The following PGM2 variants were observed in gnomAD, a reference collection of about 807,000 sequenced individuals.
PGM2 encodes phosphoglucomutase 2.
Under a neutral mutation model 74.6 loss-of-function variants are expected in PGM2, and 57 were observed. The ratio of observed to expected loss-of-function variants is 0.76; its 90% CI spans 0.62 to 0.95. The LOEUF is 0.95. Ranked by LOEUF, PGM2 falls within the 40% of genes least tolerant of loss-of-function variation. The pLI, the probability that PGM2 is intolerant of heterozygous loss-of-function variation, is 0.00. For missense variants in PGM2, 706 were observed against 741.9 expected, an observed-to-expected ratio of 0.95 and a Z score of 0.56; for synonymous variants, 273 against 260.7, an observed-to-expected ratio of 1.05 and a Z score of -0.46.
In PGM2 at chr4:37,844,398, C is replaced by T; in HGVS notation, c.754C>T (p.His252Tyr). The T allele has an allele frequency of 1.9e-6, 3 of 1,612,038 alleles. No homozygotes were observed. Among genetic ancestry groups the T allele is most frequent in the Non-Finnish European group, 2.5e-6 (3 of 1,178,996 alleles). The stretch of plus-strand genomic sequence containing the variant: ...CAGGGAGACAAAGGTGAAGTTTGTG[C>T]ACACCTCTGTCCATGGGGTGGGTCA... ...VNRETKVKFVHTSVHGVGHSF... is the reference protein window; with the variant it reads ...VNRETKVKFVYTSVHGVGHSF... The change falls in exon 7 of 14, where the codon CAC (histidine) becomes TAC (tyrosine). Residue 252 changes from histidine (H) to tyrosine (Y), a missense_variant. Around this residue, in one of 3 missense-constraint regions of PGM2, gnomAD observed 332 missense variants for 334.9 expected, o/e 0.99. Coordinates refer to ENST00000381967, the MANE Select transcript of PGM2 (RefSeq NM_018290.4).
chr4:37,854,976 A>G (rs372316797), intron 12 of PGM2, among the ~76,000 whole-genome samples: 4 of 152,268 alleles, frequency 2.6e-5, no homozygotes, highest in African/African-American at 9.6e-5. Flanking sequence ...ATACATTGTG[A>G]TAGCTAAAAT....
At chr4:37,837,873 G>A (rs1208428998) in intron 4 of PGM2, among the ~76,000 whole-genome samples, 1 of 139,926 alleles carries the variant, frequency 7.1e-6, no homozygotes, top group Non-Finnish European at 1.5e-5. Context: ...AAGGGTATTC[G>A]AGAGAGTCAG....
chr4:37,844,289 C>A, intron 6 of PGM2, 75 bp from the exon 7 acceptor site: 1 of 866,112 alleles, frequency 1.2e-6, no homozygotes. Context: ...TTGTCTTGTG[C>A]ATTCTTGCAA....
At chr4:37,851,952 CTTTTG>C in intron 12 of PGM2, among the ~76,000 whole-genome samples, 1 of 97,450 alleles carries the variant, frequency 1.0e-5, no homozygotes, top group South Asian at 3.1e-4. Context: ...TTTCCTGTAC[CTTTTG>C]TTTGTTTGTT....
intron 6 of PGM2, among the ~76,000 whole-genome samples, chr4:37,841,071 C>CATATATATATAT (rs1725702950): frequency 3.9e-5 from 1 of 25,430 alleles, no homozygotes; most frequent in African/African-American, 1.4e-4. Flanking sequence ...CATATGCAAG[C>CATATATATATAT]GTATATATAT....
intron 7 of PGM2, among the ~76,000 whole-genome samples, chr4:37,845,402 C>G (rs1356125862): frequency 6.6e-6 from 1 of 152,176 alleles, no homozygotes; most frequent in Non-Finnish European, 1.5e-5. Context: ...GGTCACACAC[C>G]GATGCTCCCA....
chr4:37,858,511 G>A (rs991658990), intron 13 of PGM2, among the ~76,000 whole-genome samples: 3 of 119,930 alleles, frequency 2.5e-5, no homozygotes, highest in South Asian at 5.1e-4. Flanking sequence ...TAATTTTTTG[G>A]TGTTTTTTTT....
At position 37,840,202 on chromosome 4, in the gene PGM2, C is replaced by T. The variant is rs770172003; in HGVS notation, c.662C>T (p.Pro221Leu). The change falls in exon 6 of 14, where the codon CCG (proline) becomes CTG (leucine). Residue 221 changes from proline (P) to leucine (L), a missense_variant. By Grantham distance (98) the Pro-to-Leu change is moderately conservative. Around this residue, in one of 3 missense-constraint regions of PGM2, gnomAD observed 332 missense variants for 334.9 expected, o/e 0.99. Transcript: ENST00000381967. ...GATAGCAGTCCACTTCTCCACAATC[C>T]GAGTGCTTCCATCAATAATGACTAC... ...LIDSSPLLHNPSASINNDYFE... is the reference protein window; with the variant it reads ...LIDSSPLLHNLSASINNDYFE... The T allele has an allele frequency of 9.3e-6, 15 of 1,612,592 alleles. No individual in the cohort carries two copies. Among genetic ancestry groups the T allele is most frequent in the Middle Eastern group, 1.6e-4 (1 of 6,084 alleles).
chr4:37,853,359 C>CTTTT (rs11358189), intron 12 of PGM2, among the ~76,000 whole-genome samples: 5 of 125,140 alleles, frequency 4.0e-5, no homozygotes, highest in African/African-American at 6.5e-5. Context: ...GGTGATATTC[C>CTTTT]TTTTTTTTTT....
At position 37,844,563 on chromosome 4, in the gene PGM2, T is replaced by C; in HGVS notation, c.909+10T>C. On this transcript the variant is annotated intron_variant, in intron 7 of 13. Transcript: ENST00000381967. ...GGGGAAAGGTGTCTTGGTAACCTAA[T>C]TTTTTTTTAAATTATGAAATCTGCT... 1 of 1,458,606 alleles carries C rather than the reference T, an allele frequency of 6.9e-7. No homozygotes were observed. The highest frequency in any genetic ancestry group is 1.2e-5 in the South Asian group (1 of 81,658). The allele number at this position is 1,458,606 out of a possible 1,614,324, so 90.4% of individuals were successfully genotyped here. A position where few individuals can be genotyped will look rare whatever the true frequency, so the allele number is the denominator to read the frequency against.
intron 13 of PGM2, among the ~76,000 whole-genome samples, chr4:37,856,246 G>A (rs1055184020): frequency 3.8e-4 from 58 of 152,082 alleles, no homozygotes; most frequent in African/African-American, 1.2e-3. Context: ...TTAGCCGGGC[G>A]TGGTGGCGGG....
intron 13 of PGM2, among the ~76,000 whole-genome samples, chr4:37,856,095 T>G (rs1314974890): frequency 6.6e-6 from 1 of 152,110 alleles, no homozygotes; most frequent in African/African-American, 2.4e-5. Flanking sequence ...TAAAATAAAT[T>G]ATAATCCGGG....
At chr4:37,836,603 C>T (rs190716565) in intron 3 of PGM2, among the ~76,000 whole-genome samples, 66 of 152,176 alleles carry the variant, frequency 4.3e-4, no homozygotes, top group Non-Finnish European at 7.6e-4. Flanking sequence ...ATAGTGTCGG[C>T]GAAGCTAGTG....
At position 37,826,716 on chromosome 4, in the gene PGM2, G is replaced by A. The variant is rs777467258; in HGVS notation, c.-17G>A. On this transcript the variant is annotated 5_prime_UTR_variant, in exon 1 of 14. Coordinates refer to ENST00000381967, the MANE Select transcript of PGM2 (RefSeq NM_018290.4). ...TCACCGCCTGCTTCCCTCTGCAGCG[G>A]TAGCACAAGCTCAGCGATGGCGGCT... The A allele has an allele frequency of 1.2e-5, 19 of 1,545,698 alleles. No individual in the cohort carries two copies. The South Asian group carries it at 1.4e-4, about 12-fold the overall frequency.
chr4:37,838,668 C>T (rs978833945), intron 4 of PGM2, among the ~76,000 whole-genome samples: 21 of 152,182 alleles, frequency 1.4e-4, no homozygotes, highest in African/African-American at 5.1e-4. Context: ...ACACTCTATT[C>T]ACATCTAAAT....
chr4:37,849,956 T>A (rs1302351499), intron 11 of PGM2, among the ~76,000 whole-genome samples: 2 of 151,876 alleles, frequency 1.3e-5, no homozygotes, highest in Non-Finnish European at 2.9e-5. Flanking sequence ...CCCGGCTAAT[T>A]TTTGTATTTT....
At position 37,851,961 on chromosome 4, in the gene PGM2, G is replaced by GTTTTCTTTCTTTTTTTTTTTTTT. The variant is rs1430228977; in HGVS notation, c.1602+1591_1602+1592insTCTTTCTTTTTTTTTTTTTTTTT. On this transcript the variant is annotated intron_variant, in intron 12 of 13. Coordinates refer to ENST00000381967, the MANE Select transcript of PGM2 (RefSeq NM_018290.4). ...ATTGTATTTCCTGTACCTTTTGTTTGTTTGTTTTCTTTTTTTTTGGAGACA... is the reference window on the plus strand; with the variant it reads ...ATTGTATTTCCTGTACCTTTTGTTTGTTTTCTTTCTTTTTTTTTTTTTTTTTGTTTTCTTTTTTTTTGGAGACA... 1.5e-5 allele frequency among the ~76,000 whole-genome samples: 2 copies of GTTTTCTTTCTTTTTTTTTTTTTT among 135,338 alleles called. 1 individual carries two copies. The allele number at this position is 135,338 out of a possible 152,430, so 88.8% of individuals were successfully genotyped here.
Position 37,846,927 on chromosome 4 carries a change from TCA to T in PGM2, c.1008-3_1008-2del. The T allele has an allele frequency of 6.3e-7, 1 of 1,586,614 alleles. No homozygotes were observed. On this transcript the variant is annotated splice_acceptor_variant and splice_polypyrimidine_tract_variant and intron_variant, in intron 8 of 13. Transcript: ENST00000381967. LOFTEE classifies it high-confidence loss of function. ...TGGTGGTTGTTGTTTTTTTTTTCTT[TCA>T]GTGGTGAATGGAGGGTGTTTTCAGG...
At chr4:37,846,770 AC>A (rs886955270) in intron 8 of PGM2, among the ~76,000 whole-genome samples, 160 bp from the exon 9 acceptor site, 1 of 152,244 alleles carries the variant, frequency 6.6e-6, no homozygotes, top group African/African-American at 2.4e-5. Context: ...AATGGCAGTT[AC>A]ATTTCTGACC....
Sources: gnomAD v4.1 joint callset for allele counts (sites outside exome capture counted in the v4.1 genomes callset) on GRCh38, gnomAD v4.1.1 for gene constraint, gnomAD v4.1.1 regional missense constraint, MANE v1.5 for transcripts, NCBI Gene and HGNC (gene_info 2026-07-23, HGNC 2026-07-21) for gene names.